The following MAP3K5 variants were observed in gnomAD, a reference collection of about 807,000 sequenced individuals.
MAP3K5 encodes ASK-1.
MAP3K5 carries 56 observed loss-of-function variants against 158.7 expected under a neutral mutation model. The ratio of observed to expected loss-of-function variants is 0.35; its 90% CI spans 0.28 to 0.44. MAP3K5 has a LOEUF of 0.44. Among genes scored for constraint, MAP3K5 ranks in the 20% least tolerant of loss-of-function variants. MAP3K5 has a pLI of 1.00. For missense variants in MAP3K5, 1,294 were observed against 1,674.8 expected, an observed-to-expected ratio of 0.77 and a Z score of 3.97; for synonymous variants, 579 against 601.7, an observed-to-expected ratio of 0.96 and a Z score of 0.55.
chr6:136,723,616 C>G (rs1426569986), intron 1 of MAP3K5, among the ~76,000 whole-genome samples: 1 of 152,132 alleles, frequency 6.6e-6, no homozygotes. Context: ...GAACAACATT[C>G]AAGACCTGTG....
chr6:136,574,122 G>A (rs1278304008), intron 25 of MAP3K5, among the ~76,000 whole-genome samples: 4 of 152,030 alleles, frequency 2.6e-5, no homozygotes, highest in Admixed American at 6.5e-5. Flanking sequence ...GTAGAGATGG[G>A]GTTTCACCAT....
At position 136,669,385 on chromosome 6, in the gene MAP3K5, C is replaced by G; in HGVS notation, c.1264G>C (p.Ala422Pro). The change falls in exon 8 of 30, where the codon GCA becomes CCA. Residue 422 changes from alanine to proline, a missense_variant. By Grantham distance (27) the Ala-to-Pro change is conservative (BLOSUM62 -1). Transcript: ENST00000359015. The part of the protein sequence containing the change: ...RDHGASWFKK[A>P]FESEPTLQSG... ...TGTAGTGTTGGCTCAGATTCAAATG[C>G]CTTTTTGAACCTATAAAAAACCACA... The G allele has an allele frequency of 6.3e-7, 1 of 1,593,142 alleles. No individual in the cohort carries two copies.
intron 10 of MAP3K5, among the ~76,000 whole-genome samples, chr6:136,655,045 TTATTTA>T (rs1372118300): frequency 3.3e-5 from 5 of 152,218 alleles, no homozygotes; most frequent in Admixed American, 2.0e-4. Context: ...TTACATTCAC[TTATTTA>T]TATTTATGAC....
chr6:136,598,157 C>G (rs1314349510), intron 21 of MAP3K5, among the ~76,000 whole-genome samples: 1 of 152,224 alleles, frequency 6.6e-6, no homozygotes, highest in African/African-American at 2.4e-5. Context: ...ACTTTAAGCA[C>G]CAGTGCTGCT....
In MAP3K5 at chr6:136,605,141, C is replaced by T. The variant is rs188765859; in HGVS notation, c.2679+68G>A. 979 of 1,492,556 alleles carry T rather than the reference C, an allele frequency of 6.6e-4. 6 individuals carry two copies. In the African/African-American group the frequency reaches 0.012, roughly 18 times the overall value. 92.5% of individuals were successfully genotyped at this position (1,492,556 alleles called of 1,614,324 possible). On this transcript the variant is annotated intron_variant, in intron 19 of 29. Coordinates refer to ENST00000359015, the MANE Select transcript of MAP3K5 (RefSeq NM_005923.4). ...CCTTTATCTAAAAAAATATGACACA[C>T]ACACACAGAACATCCAACAGCTATA...
intron 1 of MAP3K5, among the ~76,000 whole-genome samples, chr6:136,721,571 A>T (rs555917097): frequency 7.2e-5 from 11 of 152,236 alleles, no homozygotes; most frequent in Admixed American, 1.3e-4. Context: ...TATGAAAGAA[A>T]AACTAACAAA....
At chr6:136,705,178 G>A in intron 2 of MAP3K5, 45 bp from the exon 3 acceptor site, 1 of 891,908 alleles carries the variant, frequency 1.1e-6, no homozygotes, top group Non-Finnish European at 1.7e-6. Flanking sequence ...ATACAAAACT[G>A]AATAATTCAA....
At position 136,642,533 on chromosome 6, in the gene MAP3K5, C is replaced by G. The variant is rs770641430; in HGVS notation, c.1825G>C (p.Val609Leu). The G allele has an allele frequency of 1.9e-6, 3 of 1,610,436 alleles. No homozygotes were observed. In the South Asian group the frequency reaches 3.3e-5, roughly 18 times the overall value. The change falls in exon 12 of 30, where the codon GTC becomes CTC. Residue 609 changes from valine to leucine, a missense_variant. Val to Leu is a conservative substitution (Grantham distance 32, BLOSUM62 1). Transcript: ENST00000359015. ...IHEWNFSASS[V>L]RGVSISKFEE... ...AAGGAAACTTACCTCACTCCCCTGA[C>G]AGAAGAGGCACTAAAATTCCACTCA...
intron 1 of MAP3K5, among the ~76,000 whole-genome samples, chr6:136,728,903 A>G (rs1343013755): frequency 2.6e-5 from 4 of 152,108 alleles, no homozygotes; most frequent in Non-Finnish European, 5.9e-5. Context: ...GAGAGCCACT[A>G]CACTTACAAA....
At chr6:136,760,269 T>C (rs1300605690) in intron 1 of MAP3K5, among the ~76,000 whole-genome samples, 2 of 152,222 alleles carry the variant, frequency 1.3e-5, no homozygotes, top group East Asian at 3.9e-4. Flanking sequence ...GTCACCAGTC[T>C]ACAATTTTTT....
chr6:136,756,640 G>A (rs1245589831), intron 1 of MAP3K5, among the ~76,000 whole-genome samples: 1 of 152,136 alleles, frequency 6.6e-6, no homozygotes, highest in South Asian at 2.1e-4. Context: ...AAGAGAAAAG[G>A]AGTGGTCAGC....
chr6:136,601,708 G>C, intron 20 of MAP3K5, 94 bp downstream of exon 20: 1 of 1,111,062 alleles, frequency 9.0e-7, no homozygotes, highest in South Asian at 1.5e-5. Flanking sequence ...AGTGATATCT[G>C]TAAACAGGTT....
intron 14 of MAP3K5, among the ~76,000 whole-genome samples, chr6:136,628,053 A>T (rs982494201): frequency 9.8e-5 from 15 of 152,302 alleles, no homozygotes; most frequent in Non-Finnish European, 1.6e-4. Context: ...CCAAAACAAA[A>T]CATTTAGAGT....
chr6:136,682,551 A>G (rs1445585780), intron 7 of MAP3K5, among the ~76,000 whole-genome samples: 2 of 152,362 alleles, frequency 1.3e-5, no homozygotes, highest in East Asian at 3.9e-4. Flanking sequence ...GACGTAAAAG[A>G]AAACTAGTTG....
intron 25 of MAP3K5, chr6:136,579,722 G>A (rs73777935): frequency 0.014 from 6,203 of 438,456 alleles, 345 homozygotes; most frequent in African/African-American, 0.11. Context: ...GGCTATGCAT[G>A]TGTTAGGCTA....
chr6:136,559,121 C>T (rs1830385964), intron 28 of MAP3K5, among the ~76,000 whole-genome samples: 1 of 152,166 alleles, frequency 6.6e-6, no homozygotes, highest in Admixed American at 6.5e-5. Flanking sequence ...GAGGCTGAGG[C>T]AGGCGGATCA....
chr6:136,663,782 G>T lies in MAP3K5; in HGVS notation c.1367-4404C>A, dbSNP rs182487441. The stretch of plus-strand genomic sequence containing the variant: ...GAACCACCACGCCCGGCTAATTTTT[G>T]TATTTTTTTTAGTAGAGATGGGGTT... On this transcript the variant is annotated intron_variant, in intron 8 of 29. Transcript: ENST00000359015. Among the ~76,000 whole-genome samples the T allele has an allele frequency of 4.4e-3, 670 of 151,820 alleles. 3 individuals carry two copies. The highest frequency in any genetic ancestry group is 0.015 in the African/African-American group (623 of 41,424).
At position 136,757,589 on chromosome 6, in the gene MAP3K5, T is replaced by A. The variant is rs1216765149; in HGVS notation, c.448+34121A>T. Among the ~76,000 whole-genome samples, 255 of 141,480 alleles carry A rather than the reference T, an allele frequency of 1.8e-3. 1 individual carries two copies. The highest frequency in any genetic ancestry group is 0.012 in the Admixed American group (180 of 14,524). The allele number at this position is 141,480 out of a possible 152,430, so 92.8% of individuals were successfully genotyped here. On this transcript the variant is annotated intron_variant, in intron 1 of 29. Transcript: ENST00000359015. ...TAGATTTATTTATTTATTTTTTATT[T>A]TTTTTTTTTTTTTTTGAGACGGAGT...
At chr6:136,688,934 T>A (rs1158595113) in intron 7 of MAP3K5, among the ~76,000 whole-genome samples, 2 of 151,962 alleles carry the variant, frequency 1.3e-5, no homozygotes, top group Non-Finnish European at 2.9e-5. Flanking sequence ...AGAATTTTCA[T>A]AAAGTGTAAA....
Sources: gnomAD v4.1 joint callset for allele counts (sites outside exome capture counted in the v4.1 genomes callset) on GRCh38, gnomAD v4.1.1 for gene constraint, MANE v1.5 for transcripts, NCBI Gene and HGNC (gene_info 2026-07-23, HGNC 2026-07-21) for gene names.